PKD1: variants seen among roughly 807,000 people sequenced by gnomAD.
The protein encoded by PKD1 is polycystin 1, transient receptor potential channel interacting, also known as polycystin-1.
A neutral mutation model predicts 361.7 loss-of-function variants in PKD1; 81 were observed. The ratio of observed to expected loss-of-function variants is 0.22; its 90% CI spans 0.19 to 0.27. The LOEUF (loss-of-function observed/expected upper bound fraction) is 0.27, where lower values mean the gene tolerates loss of function less well. Ranked by LOEUF, PKD1 falls within the 10% of genes least tolerant of loss-of-function variation. PKD1 has a pLI of 1.00. For synonymous variants in PKD1, 3,615 were observed against 2,818.3 expected (o/e 1.28, Z -8.95); for missense variants, 6,399 against 6,118.3 (o/e 1.05, Z -1.53).
At chr16:2,096,956 G>A (rs1055390225) in intron 34 of PKD1, 192 bp downstream of exon 34, 2 of 605,818 alleles carry the variant, frequency 3.3e-6, no homozygotes, top group East Asian at 5.5e-5. Flanking sequence ...CTAGAGGGAA[G>A]GTTCTGGGGC....
In PKD1 at chr16:2,089,663, G is replaced by T; in HGVS notation, c.*64C>A. 2 of 1,534,384 alleles carry T rather than the reference G, an allele frequency of 1.3e-6. No individual in the cohort carries two copies. Among genetic ancestry groups the T allele is most frequent in the Non-Finnish European group, 1.8e-6 (2 of 1,135,602 alleles). ...TGCCTGGCCCTCGGCCTTGACAGCG[G>T]CAGAAAGTAATACTGAGCGGTGTCC... On this transcript the variant is annotated 3_prime_UTR_variant, in exon 46 of 46. Transcript: ENST00000262304.
Position 2,090,421 on chromosome 16 carries a change from G to A in PKD1, c.12308C>T (p.Ala4103Val), listed in dbSNP as rs746646395. 1.9e-6 allele frequency: 3 copies of A among 1,612,480 alleles called. No individual in the cohort carries two copies. The highest frequency in any genetic ancestry group is 3.3e-4 in the Middle Eastern group (2 of 6,062). Reference protein sequence around the residue: ...LRLWGALRLGAVILRWRYHAL... With the variant: ...LRLWGALRLGVVILRWRYHAL... ...GTGGTAGCGCCAGCGGAGAATAACAGCCCCCAGCCGTAGGGCGCCCCACAG... is the reference window on the plus strand; with the variant it reads ...GTGGTAGCGCCAGCGGAGAATAACAACCCCCAGCCGTAGGGCGCCCCACAG... The change falls in exon 45 of 46, where the codon GCT (alanine) becomes GTT (valine). Residue 4103 changes from alanine to valine, a missense_variant. Coordinates refer to ENST00000262304, the MANE Select transcript of PKD1 (RefSeq NM_001009944.3).
rs778658448 is a variant in PKD1, at chr16:2,109,130, C to T, written c.6037G>A (p.Val2013Ile). ...AGGATGACCAGCGAGTCGCCCTGGA[C>T]CTTCTGCAGCGAGAAGTACCAGGCG... ...AYAWYFSLQK[V>I]QGDSLVILSG... The change falls in exon 15 of 46, where the codon GTC (valine) becomes ATC (isoleucine). Residue 2013 changes from valine to isoleucine, a missense_variant. Val to Ile is a conservative substitution (Grantham distance 29). Transcript: ENST00000262304. 3 of 1,603,040 alleles carry T rather than the reference C, an allele frequency of 1.9e-6. No individual in the cohort carries two copies. Among genetic ancestry groups the T allele is most frequent in the Non-Finnish European group, 2.6e-6 (3 of 1,174,602 alleles).
chr16:2,133,899 G>A (rs569483947), intron 1 of PKD1, among the ~76,000 whole-genome samples: 107 of 151,822 alleles, frequency 7.0e-4, no homozygotes, highest in African/African-American at 2.5e-3. Flanking sequence ...CCACTGCTGT[G>A]CCAAGGGCCT....
chr16:2,106,331 G>C lies in PKD1; in HGVS notation c.7490-27C>G. The C allele has an allele frequency of 6.2e-7, 1 of 1,605,256 alleles. No homozygotes were observed. The highest frequency in any genetic ancestry group is 8.5e-7 in the Non-Finnish European group (1 of 1,175,872). ...TGAGGGACGGTCCCCACGGCATCAC[G>C]GGAGGGCTCCGTGACGTCACAGAGT... is the stretch of plus-strand genomic sequence containing the variant. On this transcript the variant is annotated intron_variant, in intron 18 of 45. Coordinates refer to ENST00000262304, the MANE Select transcript of PKD1 (RefSeq NM_001009944.3). This position sits in a 1 kb window ranked among gnomAD's most constrained non-coding sequence, Gnocchi z 6.5.
chr16:2,090,902 G>A lies in PKD1; in HGVS notation c.11985C>T (p.Leu3995=), dbSNP rs769981965. 2.0e-5 allele frequency: 32 copies of A among 1,597,970 alleles called. No homozygotes were observed. The highest frequency in any genetic ancestry group is 2.5e-5 in the Non-Finnish European group (29 of 1,177,972). The change falls in exon 43 of 46, where the codon CTC becomes CTT. Residue 3995 remains leucine, a synonymous_variant. Transcript: ENST00000262304. ...SAARGLAASL[L]FLLLVKAAQQ... ...CCCTCACCTTGACCAAAAGCAGGAA[G>A]AGCAGCGAGGCCGCCAGGCCACGGG... is the stretch of plus-strand genomic sequence containing the variant.
chr16:2,105,487 G>A lies in PKD1; in HGVS notation c.7864-13C>T. 1.3e-6 allele frequency: 2 copies of A among 1,595,034 alleles called. No homozygotes were observed. Among genetic ancestry groups the A allele is most frequent in the Non-Finnish European group, 1.7e-6 (2 of 1,178,908 alleles). ...GGGCCCGCTCGTACTGGGGCAGGCA[G>A]GGGGCACAGCAAGCTGTCAGCAGCG... is the stretch of plus-strand genomic sequence containing the variant. On this transcript the variant is annotated splice_polypyrimidine_tract_variant and intron_variant, in intron 20 of 45. Transcript: ENST00000262304.
chr16:2,092,844 T>G, intron 38 of PKD1, 110 bp downstream of exon 38: 2 of 1,360,356 alleles, frequency 1.5e-6, no homozygotes, highest in East Asian at 4.6e-5. Context: ...TACCTCCAGT[T>G]CTAGCAGCCA....
chr16:2,091,760 G>T (rs374264641), intron 41 of PKD1, 21 bp downstream of exon 41: 2 of 1,609,158 alleles, frequency 1.2e-6, no homozygotes, highest in South Asian at 1.1e-5. Context: ...CCCCGGAGAG[G>T]GCAGGGGAGG....
At position 2,089,866 on chromosome 16, in the gene PKD1, G is replaced by A. The variant is rs1314484971; in HGVS notation, c.12773C>T (p.Ser4258Phe). The A allele has an allele frequency of 1.2e-6, 2 of 1,609,332 alleles. No individual in the cohort carries two copies. The highest frequency in any genetic ancestry group is 1.7e-5 in the Admixed American group (1 of 59,602). The change falls in exon 46 of 46, where the codon TCT (serine) becomes TTT (phenylalanine). Residue 4258 changes from serine to phenylalanine, a missense_variant. Physicochemically the swap from Ser to Phe is radical, Grantham distance 155. Transcript: ENST00000262304. Reference protein sequence around the residue: ...GRRSSRAPAGSSRGPSPGLRP... With the variant: ...GRRSSRAPAGFSRGPSPGLRP... ...CAGGCCCGGGGATGGGCCACGGGAA[G>A]ATCCGGCGGGCGCCCGGCTGCTCCT...
chr16:2,107,821 A>G (rs1187126488), intron 16 of PKD1, 62 bp downstream of exon 16: 42 of 1,491,168 alleles, frequency 2.8e-5, no homozygotes, highest in Non-Finnish European at 3.4e-5. Context: ...CACGGAAAAC[A>G]GTAGATGACC....
chr16:2,105,883 C>T lies in PKD1; in HGVS notation c.7845G>A (p.Leu2615=), dbSNP rs747739357. Residue 2615 remains leucine (L), a synonymous_variant, in exon 20 of 46, where the codon CTG becomes CTA. Coordinates refer to ENST00000262304, the MANE Select transcript of PKD1 (RefSeq NM_001009944.3). ...CACTCACCTCGTTCAGCACGGTGAC[C>T]AGGGCCAACGAGTACTCGATGACGT... The part of the protein sequence containing the change: ...PQHVIEYSLA[L]VTVLNEYERA... The T allele has an allele frequency of 4.4e-6, 7 of 1,596,248 alleles. No individual in the cohort carries two copies. The highest frequency in any genetic ancestry group is 5.9e-6 in the Non-Finnish European group (7 of 1,179,652).
chr16:2,118,288 G>A lies in PKD1; in HGVS notation c.704C>T (p.Ala235Val), dbSNP rs557462067. ...SEQGWCLCGA[A>V]QPSSASFACL... is the part of the protein sequence containing the mutation. Reference sequence around the variant, plus strand: ...GGCAAAGGAGGCACTGGAGGGCTGGGCCGCCCCACACAGGCACCAGCCCTG... The same window carrying A: ...GGCAAAGGAGGCACTGGAGGGCTGGACCGCCCCACACAGGCACCAGCCCTG... The change falls in exon 5 of 46, where the codon GCC becomes GTC. Residue 235 changes from alanine (A) to valine (V), a missense_variant. By Grantham distance (64) the Ala-to-Val change is moderately conservative. Transcript: ENST00000262304. The surrounding 1 kb of genome is among the most constrained non-coding windows in gnomAD (Gnocchi z 6.0). 1 of 1,530,538 alleles carries A rather than the reference G, an allele frequency of 6.5e-7. No individual in the cohort carries two copies. The highest frequency in any genetic ancestry group is 2.4e-5 in the East Asian group (1 of 40,906). The allele number at this position is 1,530,538 out of a possible 1,614,324, so 94.8% of individuals were successfully genotyped here.
Position 2,113,291 on chromosome 16 carries a change from C to G in PKD1, c.2855G>C (p.Arg952Thr), listed in dbSNP as rs759619140. The change falls in exon 12 of 46, where the codon AGG (arginine) becomes ACG (threonine). Residue 952 changes from arginine (R) to threonine (T), a missense_variant and splice_region_variant. By Grantham distance (71) the Arg-to-Thr change is moderately conservative. Transcript: ENST00000262304. Reference sequence around the variant, plus strand: ...GCCGGCCTCCACCACGGGGCTGTACCTCTGCGGGGGGAATGGTGTCAGCCT... The same window carrying G: ...GCCGGCCTCCACCACGGGGCTGTACGTCTGCGGGGGGAATGGTGTCAGCCT... ...EARVLQGVLV[R>T]YSPVVEAGSD... 6.3e-7 allele frequency: 1 copy of G among 1,595,362 alleles called. No individual in the cohort carries two copies. Among genetic ancestry groups the G allele is most frequent in the African/African-American group, 1.3e-5 (1 of 74,646 alleles).
At position 2,109,923 on chromosome 16, in the gene PKD1, G is replaced by C. The variant is rs752440626; in HGVS notation, c.5244C>G (p.Val1748=). The change falls in exon 15 of 46, where the codon GTC becomes GTG. Residue 1748 remains valine (V), a synonymous_variant. Transcript: ENST00000262304. ...CCTCCTCCAAGGACCAAGTGTATAC[G>C]ACACCACTGCCACCAGCCAGCTCGG... ...LSAELAGGSG[V]VYTWSLEEGL... The C allele has an allele frequency of 2.5e-6, 4 of 1,610,376 alleles. No individual in the cohort carries two copies. The Admixed American group carries it at 6.7e-5, about 27-fold the overall frequency.
chr16:2,127,907 AG>A lies in PKD1; in HGVS notation c.215+7567del, dbSNP rs1398825357. On this transcript the variant is annotated intron_variant, in intron 1 of 45. Coordinates refer to ENST00000262304, the MANE Select transcript of PKD1 (RefSeq NM_001009944.3). Reference sequence around the variant, plus strand: ...GGGACACAGCAGGGATGAGCCAGGGAGGGAGAGGTGGGAGGGGCTGGCAGGG... The same window carrying A: ...GGGACACAGCAGGGATGAGCCAGGGAGGAGAGGTGGGAGGGGCTGGCAGGG... 5.7e-5 allele frequency among the ~76,000 whole-genome samples: 7 copies of A among 122,318 alleles called. No homozygotes were observed. The Admixed American group carries it at 6.3e-4, about 11-fold the overall frequency. 80.2% of individuals were successfully genotyped at this position (122,318 alleles called of 152,430 possible).
chr16:2,097,094 G>T, intron 34 of PKD1, 54 bp downstream of exon 34: 1 of 1,342,442 alleles, frequency 7.4e-7, no homozygotes, highest in Non-Finnish European at 1.0e-6. Context: ...TGCCTGGCCT[G>T]AGTCCCGGCC....
At position 2,116,479 on chromosome 16, in the gene PKD1, C is replaced by G. The variant is rs1404263187; in HGVS notation, c.1722+50G>C. ...CCACAGTGGGCAGGGCAGGCAAGGC[C>G]TCCAGGGGCAGGCAGGAGGGCAGGT... On this transcript the variant is annotated intron_variant, in intron 8 of 45. Coordinates refer to ENST00000262304, the MANE Select transcript of PKD1 (RefSeq NM_001009944.3). 12 of 1,071,614 alleles carry G rather than the reference C, an allele frequency of 1.1e-5. 1 individual carries two copies. The highest frequency in any genetic ancestry group is 2.7e-5 in the South Asian group (2 of 74,704). The allele number at this position is 1,071,614 out of a possible 1,614,324, so 66.4% of individuals were successfully genotyped here. A position where few individuals can be genotyped will look rare whatever the true frequency, so the allele number is the denominator to read the frequency against.
intron 1 of PKD1, among the ~76,000 whole-genome samples, chr16:2,133,633 C>T (rs1048761788): frequency 6.6e-5 from 10 of 152,170 alleles, no homozygotes; most frequent in African/African-American, 2.4e-4. Flanking sequence ...CCTTCACATC[C>T]TTCCTAAGGC....
Sources: gnomAD v4.1 joint callset for allele counts (sites outside exome capture counted in the v4.1 genomes callset) on GRCh38, gnomAD v4.1.1 for gene constraint, Gnocchi (gnomAD v3.1) non-coding constraint, MANE v1.5 for transcripts, NCBI Gene and HGNC (gene_info 2026-07-23, HGNC 2026-07-21) for gene names.